ATG7: variants seen among roughly 807,000 people sequenced by gnomAD.
ATG7 encodes the protein autophagy related 7.
In ATG7, 70 loss-of-function variants were observed where a neutral mutation model predicts 82.4. The observed-to-expected ratio is 0.85, with a 90% CI of 0.70 to 1.04. The LOEUF is 1.04. Ranked by LOEUF, ATG7 falls within the 50% of genes least tolerant of loss-of-function variation. The pLI is 0.00. For synonymous variants in ATG7, 287 were observed against 313.0 expected (o/e 0.92, Z 0.88); for missense variants, 792 against 864.3 (o/e 0.92, Z 1.05).
Position 11,315,757 on chromosome 3 carries a change from C to T in ATG7, c.678+264C>T, listed in dbSNP as rs1002802838. ...TGTTTGTTTGTTTGAGATGGAGTCT[C>T]GCACTGTTGCCTGGGCTGGAGCGCA... On this transcript the variant is annotated intron_variant, in intron 9 of 20. Coordinates refer to ENST00000693202, the MANE Select transcript of ATG7 (RefSeq NM_001349232.2). Among the ~76,000 whole-genome samples, 6 of 152,118 alleles carry T rather than the reference C, an allele frequency of 3.9e-5. No homozygotes were observed. In the East Asian group the frequency reaches 5.8e-4, roughly 15 times the overall value.
At chr3:11,348,282 T>A (rs1335259731) in intron 14 of ATG7, 3 of 455,988 alleles carry the variant, frequency 6.6e-6, no homozygotes, top group Non-Finnish European at 1.2e-5. Context: ...GCGTTCTTGG[T>A]CTTGCTGACT....
chr3:11,485,568 G>GGCTTTTGTTGACATT (rs1216728246), intron 20 of ATG7, among the ~76,000 whole-genome samples: 2 of 152,098 alleles, frequency 1.3e-5, no homozygotes, highest in African/African-American at 4.8e-5. Context: ...TGTCTATTTT[G>GGCTTTTGTTGACATT]GCTTTTGTTG....
In ATG7 at chr3:11,383,911, A is replaced by T. The variant is rs112409229; in HGVS notation, c.1956+3859A>T. Among the ~76,000 whole-genome samples the T allele has an allele frequency of 2.7e-3, 414 of 152,330 alleles. 4 individuals carry two copies. Among genetic ancestry groups the T allele is most frequent in the Admixed American group, 5.5e-3 (84 of 15,302 alleles). ...GTAAAATTTATATATGGTGAAATGTATGAATCTTAAAACAACTCCGTAAGT... is the reference window on the plus strand; with the variant it reads ...GTAAAATTTATATATGGTGAAATGTTTGAATCTTAAAACAACTCCGTAAGT... On this transcript the variant is annotated intron_variant, in intron 19 of 20. Coordinates refer to ENST00000693202, the MANE Select transcript of ATG7 (RefSeq NM_001349232.2).
At chr3:11,311,948 T>C (rs950744342) in intron 7 of ATG7, among the ~76,000 whole-genome samples, 2 of 151,080 alleles carry the variant, frequency 1.3e-5, no homozygotes, top group Non-Finnish European at 2.9e-5. Flanking sequence ...ATTTCATTTA[T>C]ATGAAAAGTC....
In ATG7 at chr3:11,396,561, G is replaced by A. The variant is rs375826734; in HGVS notation, c.1956+16509G>A. Among the ~76,000 whole-genome samples the A allele has an allele frequency of 1.4e-4, 22 of 152,030 alleles. No homozygotes were observed. The East Asian group carries it at 2.9e-3, about 20-fold the overall frequency. On this transcript the variant is annotated intron_variant, in intron 19 of 20. Coordinates refer to ENST00000693202, the MANE Select transcript of ATG7 (RefSeq NM_001349232.2). Reference sequence around the variant, plus strand: ...TAAGGCCGAGGTGGGCGGATCACTCGAAGTCAGGAGTTTGAGACCAGCCTG... The same window carrying A: ...TAAGGCCGAGGTGGGCGGATCACTCAAAGTCAGGAGTTTGAGACCAGCCTG...
At chr3:11,558,471 C>CCAG, downstream of ATG7, 11 of 1,369,928 alleles carry the variant, frequency 8.0e-6, no homozygotes, top group African/African-American at 1.5e-5. Flanking sequence ...ACCCCACCCC[C>CCAG]ATGATTTTTT....
intron 9 of ATG7, among the ~76,000 whole-genome samples, chr3:11,326,459 C>T (rs758979369): frequency 1.8e-4 from 28 of 152,130 alleles, no homozygotes; most frequent in South Asian, 4.1e-4. Flanking sequence ...CCATCATGCC[C>T]GGCTAATTTT....
downstream of ATG7, chr3:11,558,032 AAC>A (rs2072601008): frequency 1.3e-5 from 2 of 157,036 alleles, no homozygotes; most frequent in South Asian, 2.0e-4. Flanking sequence ...GTTCTGGCAT[AAC>A]ACATAAAGTT....
intron 20 of ATG7, among the ~76,000 whole-genome samples, chr3:11,532,458 C>T (rs1419754549): frequency 6.6e-6 from 1 of 152,168 alleles, no homozygotes; most frequent in Non-Finnish European, 1.5e-5. Context: ...TGCAGTGCCT[C>T]ATGCCTGTAA....
At position 11,311,559 on chromosome 3, in the gene ATG7, C is replaced by T. The variant is rs547669318; in HGVS notation, c.412-1745C>T. On this transcript the variant is annotated intron_variant, in intron 7 of 20. Transcript: ENST00000693202. ...GGAGGTTGCAGTGAGCTGAGATCGT[C>T]GTGCCGTTGCACTCCAGCCTGTGTG... Among the ~76,000 whole-genome samples, 194 of 148,688 alleles carry T rather than the reference C, an allele frequency of 1.3e-3. 1 individual carries two copies. Among genetic ancestry groups the T allele is most frequent in the African/African-American group, 4.5e-3 (181 of 40,062 alleles).
chr3:11,435,875 C>A (rs913432083), intron 20 of ATG7, among the ~76,000 whole-genome samples: 1 of 152,036 alleles, frequency 6.6e-6, no homozygotes, highest in African/African-American at 2.4e-5. Flanking sequence ...AAAAAGTGGG[C>A]CACAGTATAA....
intron 20 of ATG7, among the ~76,000 whole-genome samples, chr3:11,545,532 C>G (rs945318180): frequency 1.3e-5 from 2 of 152,146 alleles, no homozygotes; most frequent in African/African-American, 4.8e-5. Flanking sequence ...GCCAGGCCAC[C>G]TCCCTGTCTC....
chr3:11,562,999 GAGTC>G, the ATG7 span, among the ~76,000 whole-genome samples: 4 of 152,276 alleles, frequency 2.6e-5, no homozygotes, highest in Admixed American at 2.6e-4. Context: ...AGGGTAAAGA[GAGTC>G]AGGCCACTCT....
At chr3:11,538,790 C>T (rs909687103) in intron 20 of ATG7, among the ~76,000 whole-genome samples, 7 of 147,888 alleles carry the variant, frequency 4.7e-5, no homozygotes, top group African/African-American at 1.8e-4. Context: ...GGGAGGATCA[C>T]CTGAGCCTGG....
At chr3:11,566,872 G>A in the ATG7 span, among the ~76,000 whole-genome samples, 3 of 152,186 alleles carry the variant, frequency 2.0e-5, no homozygotes, top group Admixed American at 2.0e-4. Flanking sequence ...TACCAGGGGT[G>A]CACAGAGACT....
intron 20 of ATG7, among the ~76,000 whole-genome samples, chr3:11,447,095 G>GA (rs1352268490): frequency 6.6e-6 from 1 of 152,176 alleles, no homozygotes; most frequent in East Asian, 1.9e-4. Context: ...CATTTTCAGT[G>GA]AAAAACCTTT....
intron 11 of ATG7, among the ~76,000 whole-genome samples, chr3:11,339,872 A>G (rs1953230224): frequency 6.6e-6 from 1 of 152,138 alleles, no homozygotes; most frequent in Non-Finnish European, 1.5e-5. Context: ...TGCAATGTGA[A>G]TGGCCAGGTT....
chr3:11,365,761 T>C (rs766099064), intron 18 of ATG7, among the ~76,000 whole-genome samples: 2 of 152,252 alleles, frequency 1.3e-5, no homozygotes, highest in East Asian at 3.9e-4. Context: ...AACGACTTCT[T>C]CATGGTCACA....
chr3:11,350,923 CAAA>C (rs10709080), intron 14 of ATG7, among the ~76,000 whole-genome samples: 11 of 57,634 alleles, frequency 1.9e-4, no homozygotes, highest in South Asian at 9.4e-4. Flanking sequence ...GACCCTAGCC[CAAA>C]AAAAAAAAAA....
Sources: gnomAD v4.1 joint callset for allele counts (sites outside exome capture counted in the v4.1 genomes callset) on GRCh38, gnomAD v4.1.1 for gene constraint, MANE v1.5 for transcripts, NCBI Gene and HGNC (gene_info 2026-07-23, HGNC 2026-07-21) for gene names.